The following DIS3L2 variants were observed in gnomAD, a reference collection of about 807,000 sequenced individuals.
DIS3L2 encodes the protein DIS3 like 3'-5' exoribonuclease 2.
In DIS3L2, 34 loss-of-function variants were observed where a neutral mutation model predicts 97.5. The observed-to-expected ratio is 0.35, with a 90% confidence interval of 0.27 to 0.46. DIS3L2 has a LOEUF of 0.46. DIS3L2 is among the 20% of genes least tolerant of loss of function. The pLI, the probability that DIS3L2 is intolerant of heterozygous loss-of-function variation, is 1.00. For synonymous variants in DIS3L2, 435 were observed against 445.2 expected, an observed-to-expected ratio of 0.98 and a Z score of 0.29; for missense variants, 1,038 against 1,146.0, an observed-to-expected ratio of 0.91 and a Z score of 1.36.
intron 5 of DIS3L2, among the ~76,000 whole-genome samples, chr2:232,086,775 G>C (rs908155725): frequency 6.7e-6 from 1 of 149,750 alleles, no homozygotes; most frequent in African/African-American, 2.5e-5. Flanking sequence ...CGCCTCCTGG[G>C]TTCACACCAT....
intron 13 of DIS3L2, among the ~76,000 whole-genome samples, chr2:232,267,808 A>T (rs1693890762): frequency 6.6e-6 from 1 of 152,222 alleles, no homozygotes; most frequent in Admixed American, 6.5e-5. Context: ...GCACCTTCCC[A>T]CTTAGGTCCT....
At chr2:232,070,587 C>CTTTTTGTTCT (rs1695985989) in intron 5 of DIS3L2, among the ~76,000 whole-genome samples, 1 of 139,642 alleles carries the variant, frequency 7.2e-6, no homozygotes, top group Non-Finnish European at 1.6e-5. Context: ...GGTTATGGTT[C>CTTTTTGTTCT]TTTTTTTTTT....
chr2:232,339,289 G>A (rs543314401), downstream of DIS3L2, among the ~76,000 whole-genome samples: 112 of 152,338 alleles, frequency 7.4e-4, no homozygotes, highest in Non-Finnish European at 1.1e-3. Context: ...CTTGGGAAGC[G>A]GGCGCCAGAG....
chr2:232,272,237 C>T (rs546624621), intron 13 of DIS3L2, among the ~76,000 whole-genome samples: 3 of 152,290 alleles, frequency 2.0e-5, no homozygotes, highest in Admixed American at 1.3e-4. Flanking sequence ...CCGACCAGTA[C>T]AGGAGGGTTG....
chr2:232,289,764 G>T (rs191065016), intron 13 of DIS3L2, among the ~76,000 whole-genome samples: 1 of 152,192 alleles, frequency 6.6e-6, no homozygotes, highest in Non-Finnish European at 1.5e-5. Flanking sequence ...AGAGCCTGTC[G>T]CTTGGGCTAC....
intron 9 of DIS3L2, among the ~76,000 whole-genome samples, chr2:232,208,385 G>A (rs115723388): frequency 0.018 from 2,714 of 151,774 alleles, 27 homozygotes; most frequent in Non-Finnish European, 0.022. Context: ...ATCTTGGCTC[G>A]CTGCAACCGC....
chr2:231,973,486 A>G (rs572955109), intron 1 of DIS3L2, among the ~76,000 whole-genome samples: 69 of 152,356 alleles, frequency 4.5e-4, no homozygotes, highest in African/African-American at 1.6e-3. Context: ...CTTCAGTAAT[A>G]AAATATGGGA....
intron 1 of DIS3L2, among the ~76,000 whole-genome samples, chr2:231,964,423 A>G (rs1196779862): frequency 1.3e-5 from 2 of 152,284 alleles, no homozygotes; most frequent in Admixed American, 1.3e-4. Flanking sequence ...GAAATTTGCT[A>G]CATTGAAGAA....
intron 13 of DIS3L2, among the ~76,000 whole-genome samples, chr2:232,290,361 C>T (rs139416588): frequency 6.6e-6 from 1 of 152,366 alleles, no homozygotes; most frequent in East Asian, 1.9e-4. Context: ...TGCTCCTGTT[C>T]TGCTAAAGGA....
intron 6 of DIS3L2, among the ~76,000 whole-genome samples, chr2:232,116,056 C>T (rs1697696573): frequency 6.6e-6 from 1 of 152,050 alleles, no homozygotes; most frequent in Non-Finnish European, 1.5e-5. Context: ...CTTGTAATCC[C>T]AGCTACTCAG....
At chr2:232,069,067 T>TCAGC (rs1284112709) in intron 5 of DIS3L2, among the ~76,000 whole-genome samples, 1 of 152,174 alleles carries the variant, frequency 6.6e-6, no homozygotes, top group Non-Finnish European at 1.5e-5. Flanking sequence ...TCTGCCCGCC[T>TCAGC]CAGCCTCCCA....
At chr2:231,995,617 A>G (rs1008974469) in intron 1 of DIS3L2, among the ~76,000 whole-genome samples, 2 of 152,200 alleles carry the variant, frequency 1.3e-5, no homozygotes, top group Non-Finnish European at 2.9e-5. Context: ...CTTGATACTA[A>G]CACCAGAAAG....
rs1359221546 is a variant in DIS3L2, at chr2:232,246,789, A to T, written c.1318-2450A>T. On this transcript the variant is annotated intron_variant, in intron 11 of 20. Transcript: ENST00000325385. ...ATCTGAACCCCAAATTCCAACATAT[A>T]GAAACAGATCAGGTTTTCACTAAAT... 2.8e-5 allele frequency among the ~76,000 whole-genome samples: 3 copies of T among 108,202 alleles called. No homozygotes were observed. The East Asian group carries it at 8.6e-4, about 31-fold the overall frequency. 71.0% of individuals were successfully genotyped at this position (108,202 alleles called of 152,430 possible). A position where few individuals can be genotyped will look rare whatever the true frequency, so the allele number is the denominator to read the frequency against.
chr2:232,189,601 G>GGGTGCAATT (rs1691555234), intron 9 of DIS3L2, among the ~76,000 whole-genome samples: 1 of 152,210 alleles, frequency 6.6e-6, no homozygotes, highest in African/African-American at 2.4e-5. Context: ...GGAAGAAATT[G>GGGTGCAATT]GGTGCAATTG....
intron 13 of DIS3L2, among the ~76,000 whole-genome samples, chr2:232,270,869 T>TCTCTCTCTCC (rs1693977489): frequency 2.2e-5 from 1 of 44,788 alleles, no homozygotes; most frequent in Non-Finnish European, 5.2e-5. Context: ...CGTCTCTCTC[T>TCTCTCTCTCC]CTCTCTCTCT....
intron 5 of DIS3L2, among the ~76,000 whole-genome samples, chr2:232,068,473 T>C (rs986517743): frequency 4.0e-5 from 6 of 151,612 alleles, no homozygotes; most frequent in Non-Finnish European, 7.4e-5. Flanking sequence ...TCCCAGCTAC[T>C]TGGGAAGCTG....
rs191940477 is a variant in DIS3L2 at position 232,282,191 on chromosome 2, A to G, written c.1660-17849A>G. On this transcript the variant is annotated intron_variant, in intron 13 of 20. Coordinates refer to ENST00000325385, the MANE Select transcript of DIS3L2 (RefSeq NM_152383.5). ...AGGGAATTCACTCCCAGTCCTTTTG[A>G]AACCCAACATGTCAGTGATAGATGA... Among the ~76,000 whole-genome samples, 19 of 151,630 alleles carry G rather than the reference A, an allele frequency of 1.3e-4. No homozygotes were observed. The East Asian group carries it at 3.3e-3, about 26-fold the overall frequency.
chr2:232,120,512 A>T (rs1370419828), intron 6 of DIS3L2, among the ~76,000 whole-genome samples: 1 of 152,174 alleles, frequency 6.6e-6, no homozygotes, highest in Non-Finnish European at 1.5e-5. Flanking sequence ...CACAGTGCCA[A>T]GTGCAGGTGA....
intron 13 of DIS3L2, among the ~76,000 whole-genome samples, chr2:232,273,686 T>G (rs1302984464): frequency 1.3e-5 from 2 of 152,130 alleles, no homozygotes; most frequent in Non-Finnish European, 2.9e-5. Flanking sequence ...AGCACTTCGG[T>G]GCTCACTTCT....
Sources: allele counts gnomAD v4.1 joint callset (sites outside exome capture counted in the v4.1 genomes callset), GRCh38; gene constraint gnomAD v4.1.1; transcripts MANE v1.5; gene names NCBI Gene and HGNC (gene_info 2026-07-23, HGNC 2026-07-21).